Variants in WDR75 observed in about 807,000 individuals in gnomAD.
WDR75 encodes the protein WD repeat domain 75, also known as WD repeat-containing protein 75.
In WDR75, 52 loss-of-function variants were observed where a neutral mutation model predicts 106.1. That is an observed-to-expected ratio of 0.49 (90% CI 0.39 to 0.62). The LOEUF is 0.62. Among genes scored for constraint, WDR75 ranks in the 20% least tolerant of loss-of-function variants. The probability of loss-of-function intolerance (pLI) is 0.00; values close to 1 mark genes in which losing one functional copy is unlikely to be tolerated. For synonymous variants in WDR75, 333 were observed against 335.5 expected (o/e 0.99, Z 0.08); for missense variants, 905 against 970.3 (o/e 0.93, Z 0.89).
At chr2:189,472,376 G>A (rs1334224321) in intron 18 of WDR75, among the ~76,000 whole-genome samples, 1 of 152,154 alleles carries the variant, frequency 6.6e-6, no homozygotes. Context: ...AGAGTTTTGA[G>A]TAGAGAACTA....
In WDR75 at chr2:189,469,329, TG is replaced by T. The variant is rs750712589; in HGVS notation, c.1724-14del. On this transcript the variant is annotated splice_polypyrimidine_tract_variant and intron_variant, in intron 15 of 20. Transcript: ENST00000314761. Reference sequence around the variant, plus strand: ...TCTTTCCTTAGAAGTGAATCACCTTTGTTTTTCCCCTCAGTGGAGTGGAATG... The same window carrying T: ...TCTTTCCTTAGAAGTGAATCACCTTTTTTTTCCCCTCAGTGGAGTGGAATG... 1.9e-6 allele frequency: 3 copies of T among 1,597,498 alleles called. No homozygotes were observed. The African/African-American group carries it at 4.0e-5, about 21-fold the overall frequency.
chr2:189,459,221 CT>C, intron 7 of WDR75, 114 bp from the exon 8 acceptor site: 1 of 765,892 alleles, frequency 1.3e-6, no homozygotes, highest in Non-Finnish European at 2.0e-6. Flanking sequence ...GACCAGAAGC[CT>C]TTATATTATG....
chr2:189,474,010 G>A (rs1687164427), intron 18 of WDR75, among the ~76,000 whole-genome samples, 176 bp from the exon 19 acceptor site: 1 of 152,182 alleles, frequency 6.6e-6, no homozygotes, highest in South Asian at 2.1e-4. Context: ...CTTCTCATAA[G>A]TGGGATGCTA....
At position 189,463,924 on chromosome 2, in the gene WDR75, A is replaced by C; in HGVS notation, c.1076A>C (p.Gln359Pro). Residue 359 changes from glutamine to proline, a missense_variant, in exon 11 of 21, where the codon CAG becomes CCG. Coordinates refer to ENST00000314761, the MANE Select transcript of WDR75 (RefSeq NM_032168.3). ...TTGAATGGAAAACCTGGCCACCTGC[A>C]GTTTTATTCTCTCCAGAGTGATAAA... ...LVLNGKPGHL[Q>P]FYSLQSDKQL... 1 of 1,613,928 alleles carries C rather than the reference A, an allele frequency of 6.2e-7. No homozygotes were observed. Among genetic ancestry groups the C allele is most frequent in the Non-Finnish European group, 8.5e-7 (1 of 1,179,830 alleles).
At position 189,466,594 on chromosome 2, in the gene WDR75, A is replaced by G; in HGVS notation, c.1447+12A>G. 6.3e-7 allele frequency: 1 copy of G among 1,597,766 alleles called. No individual in the cohort carries two copies. The highest frequency in any genetic ancestry group is 8.5e-7 in the Non-Finnish European group (1 of 1,171,666). ...CTCTGACATATACAGTAAGTTATTA[A>G]ATATGTTATGTTTAAAGTGTGCACA... On this transcript the variant is annotated intron_variant, in intron 13 of 20. Transcript: ENST00000314761.
intron 15 of WDR75, among the ~76,000 whole-genome samples, 189 bp from the exon 16 acceptor site, chr2:189,469,155 G>GCACTA (rs1227062824): frequency 6.6e-6 from 1 of 152,146 alleles, no homozygotes; most frequent in Admixed American, 6.6e-5. Flanking sequence ...TGTACAAGGA[G>GCACTA]CACTACAGTT....
Position 189,448,453 on chromosome 2 carries a change from A to G in WDR75, c.161A>G (p.His54Arg), listed in dbSNP as rs1484605963. ...ACAGAAGAGTGTGTACACATACTGC[A>G]TGGACACAGAAATCTGGTGACTGGA... ...TVTEECVHILHGHRNLVTGIQ... is the reference protein window; with the variant it reads ...TVTEECVHILRGHRNLVTGIQ... Residue 54 changes from histidine (H) to arginine (R), a missense_variant, in exon 2 of 21, where the codon CAT becomes CGT. Physicochemically the swap from His to Arg is conservative, Grantham distance 29. Coordinates refer to ENST00000314761, the MANE Select transcript of WDR75 (RefSeq NM_032168.3). 2 of 1,613,952 alleles carry G rather than the reference A, an allele frequency of 1.2e-6. No homozygotes were observed. Among genetic ancestry groups the G allele is most frequent in the Admixed American group, 3.3e-5 (2 of 60,028 alleles).
chr2:189,451,992 C>A, intron 4 of WDR75, 97 bp downstream of exon 4: 1 of 929,150 alleles, frequency 1.1e-6, no homozygotes, highest in Non-Finnish European at 1.6e-6. Context: ...CTGAAGCCAA[C>A]AGTTTTTAGA....
intron 2 of WDR75, chr2:189,450,698 A>G (rs1686600173): frequency 2.2e-6 from 3 of 1,366,024 alleles, no homozygotes; most frequent in Non-Finnish European, 2.8e-6. Flanking sequence ...TTTTAGTTAA[A>G]ACTTGAAATG....
chr2:189,457,964 C>T (rs189209893), intron 6 of WDR75, among the ~76,000 whole-genome samples: 161 of 121,434 alleles, frequency 1.3e-3, no homozygotes, highest in Middle Eastern at 9.6e-3. Context: ...CTTGCTCTGT[C>T]GCCCAGGCTG....
chr2:189,474,801 A>G lies in WDR75; in HGVS notation c.2281A>G (p.Thr761Ala). 1 of 1,613,464 alleles carries G rather than the reference A, an allele frequency of 6.2e-7. No individual in the cohort carries two copies. The highest frequency in any genetic ancestry group is 8.5e-7 in the Non-Finnish European group (1 of 1,179,488). The part of the protein sequence containing the change: ...FVNSLLLSKE[T>A]KSAKEIPEDV... Reference sequence around the variant, plus strand: ...AAATTCATTGCTGCTGTCTAAAGAGACTAAGAGGTAAAGCAGTTCTTAAGA... The same window carrying G: ...AAATTCATTGCTGCTGTCTAAAGAGGCTAAGAGGTAAAGCAGTTCTTAAGA... The change falls in exon 20 of 21, where the codon ACT (threonine) becomes GCT (alanine). Residue 761 changes from threonine to alanine, a missense_variant. Thr to Ala is a moderately conservative substitution (Grantham distance 58). Transcript: ENST00000314761.
chr2:189,473,111 G>A (rs1230615519), intron 18 of WDR75, among the ~76,000 whole-genome samples: 2 of 151,984 alleles, frequency 1.3e-5, no homozygotes, highest in South Asian at 2.1e-4. Flanking sequence ...CCACCTACTC[G>A]GGGGCTGAGG....
chr2:189,448,605 GT>G, intron 2 of WDR75, 97 bp downstream of exon 2: 1 of 1,486,014 alleles, frequency 6.7e-7, no homozygotes, highest in Non-Finnish European at 9.2e-7. Flanking sequence ...CAGGTTATAA[GT>G]AAAATATTTG....
intron 4 of WDR75, among the ~76,000 whole-genome samples, chr2:189,454,240 A>G (rs74348666): frequency 0.035 from 5,399 of 152,272 alleles, 113 homozygotes; most frequent in Admixed American, 0.05. Context: ...TTAGCATCGT[A>G]GGCTATTGGA....
At chr2:189,449,244 G>A (rs757587347) in intron 2 of WDR75, 18 of 1,302,872 alleles carry the variant, frequency 1.4e-5, no homozygotes, top group Admixed American at 2.3e-5. Flanking sequence ...TCCTGGATTA[G>A]TCACAGCCAA....
chr2:189,455,052 C>G (rs918512257), intron 4 of WDR75, among the ~76,000 whole-genome samples: 1 of 151,950 alleles, frequency 6.6e-6, no homozygotes, highest in East Asian at 1.9e-4. Flanking sequence ...ACCAGCCTGG[C>G]CAACATGGTG....
At chr2:189,449,379 A>G in intron 2 of WDR75, 1 of 1,289,392 alleles carries the variant, frequency 7.8e-7, no homozygotes, top group Non-Finnish European at 1.0e-6. Context: ...AAAGTTAAGT[A>G]ACTTTTCTAC....
chr2:189,468,549 G>T lies in WDR75; in HGVS notation c.1703G>T (p.Trp568Leu), dbSNP rs1388875757. The T allele has an allele frequency of 6.2e-7, 1 of 1,613,074 alleles. No homozygotes were observed. The highest frequency in any genetic ancestry group is 8.5e-7 in the Non-Finnish European group (1 of 1,179,366). The change falls in exon 15 of 21, where the codon TGG becomes TTG. Residue 568 changes from tryptophan (W) to leucine (L), a missense_variant. Coordinates refer to ENST00000314761, the MANE Select transcript of WDR75 (RefSeq NM_032168.3). ...GATENGILCC[W>L]NLLSCALEWN... ...ACTGAAAATGGCATTCTTTGCTGTT[G>T]GAATCTGCTGAGCTGTGCATGTAAG...
In WDR75 at chr2:189,441,551, G is replaced by A. The variant is rs1278285305; in HGVS notation, c.59G>A (p.Arg20Lys). The stretch of plus-strand genomic sequence containing the variant: ...TGTGGCGGCAGCGAGTTGAACTTTA[G>A]GAGAGCTGTGTTCTCTGCAGATTCT... Reference protein sequence around the residue: ...VRCGGSELNFRRAVFSADSKY... With the variant: ...VRCGGSELNFKRAVFSADSKY... The change falls in exon 1 of 21, where the codon AGG (arginine) becomes AAG (lysine). Residue 20 changes from arginine to lysine, a missense_variant. Arg to Lys is a conservative substitution (Grantham distance 26). Coordinates refer to ENST00000314761, the MANE Select transcript of WDR75 (RefSeq NM_032168.3). 8 of 1,562,016 alleles carry A rather than the reference G, an allele frequency of 5.1e-6. No homozygotes were observed. The highest frequency in any genetic ancestry group is 6.9e-6 in the Non-Finnish European group (8 of 1,152,014).
Sources: gnomAD v4.1 joint callset for allele counts (sites outside exome capture counted in the v4.1 genomes callset) on GRCh38, gnomAD v4.1.1 for gene constraint, MANE v1.5 for transcripts, NCBI Gene and HGNC (gene_info 2026-07-23, HGNC 2026-07-21) for gene names.